Variants in HDAC9 observed in about 807,000 individuals in gnomAD.
HDAC9 encodes the protein MEF-2 interacting transcription repressor (MITR) protein.
A neutral mutation model predicts 139.4 loss-of-function variants in HDAC9; 41 were observed. The ratio of observed to expected loss-of-function variants is 0.29; its 90% confidence interval spans 0.23 to 0.38. The LOEUF (loss-of-function observed/expected upper bound fraction) is 0.38. Among genes scored for constraint, HDAC9 ranks in the 10% least tolerant of loss-of-function variants. The pLI is 1.00. For missense variants in HDAC9, 1,147 were observed against 1,297.0 expected (o/e 0.88, Z 1.78); for synonymous variants, 517 against 476.2 (o/e 1.09, Z -1.12).
At position 18,915,242 on chromosome 7, in the gene HDAC9, T is replaced by G. The variant is rs564547506; in HGVS notation, c.2804-20567T>G. Among the ~76,000 whole-genome samples the G allele has an allele frequency of 4.6e-5, 7 of 152,186 alleles. 1 individual carries two copies. The East Asian group carries it at 1.4e-3, about 29-fold the overall frequency. Reference sequence around the variant, plus strand: ...TAGAGCATGAAAACCAAGTAGACATTTTCTTTAGATTGCCTGAAAATTTAA... The same window carrying G: ...TAGAGCATGAAAACCAAGTAGACATGTTCTTTAGATTGCCTGAAAATTTAA... On this transcript the variant is annotated intron_variant, in intron 22 of 25. Transcript: ENST00000686413.
intron 2 of HDAC9, among the ~76,000 whole-genome samples, chr7:18,245,729 C>T (rs1225033555): frequency 2.0e-5 from 3 of 152,160 alleles, no homozygotes; most frequent in Non-Finnish European, 2.9e-5. Context: ...GTTAAATTCT[C>T]AGGAGCTTAT....
At chr7:18,968,089 G>A (rs1181689290) in intron 24 of HDAC9, among the ~76,000 whole-genome samples, 51 of 152,238 alleles carry the variant, frequency 3.4e-4, no homozygotes, top group Non-Finnish European at 1.5e-5. Context: ...TTGAACCCGG[G>A]AGGCGGAGGA....
In HDAC9 at chr7:18,236,402, T is replaced by A. The variant is rs180731791; in HGVS notation, c.25+74053T>A. 1.4e-3 allele frequency among the ~76,000 whole-genome samples: 214 copies of A among 152,312 alleles called. 1 individual carries two copies. Among genetic ancestry groups the A allele is most frequent in the Admixed American group, 3.3e-3 (51 of 15,288 alleles). Reference sequence around the variant, plus strand: ...TCTTAAAGAAGAGAAGGCATGAGTGTCTTATTCCAAGTTGACAGAGTTTAA... The same window carrying A: ...TCTTAAAGAAGAGAAGGCATGAGTGACTTATTCCAAGTTGACAGAGTTTAA... On this transcript the variant is annotated intron_variant, in intron 2 of 12. Coordinates refer to the HDAC9 transcript ENST00000417496.
At chr7:18,521,204 C>T (rs1367679063) in intron 2 of HDAC9, among the ~76,000 whole-genome samples, 2 of 152,172 alleles carry the variant, frequency 1.3e-5, no homozygotes, top group Admixed American at 6.5e-5. Context: ...TTTAAAATTA[C>T]ATTCTGCTAC....
chr7:18,577,068 A>T (rs1274921821), intron 2 of HDAC9, among the ~76,000 whole-genome samples: 1 of 152,230 alleles, frequency 6.6e-6, no homozygotes, highest in Non-Finnish European at 1.5e-5. Context: ...TATGTCAATT[A>T]GCATTCACAG....
intron 1 of HDAC9, among the ~76,000 whole-genome samples, chr7:18,414,731 C>T (rs1236914220): frequency 3.9e-5 from 6 of 152,112 alleles, no homozygotes; most frequent in African/African-American, 7.2e-5. Flanking sequence ...TAATGGTAGG[C>T]ACAAACGCTT....
chr7:18,922,223 TATA>T (rs923925865), intron 22 of HDAC9, among the ~76,000 whole-genome samples: 25 of 152,142 alleles, frequency 1.6e-4, no homozygotes, highest in African/African-American at 5.1e-4. Flanking sequence ...CAACTTAAAC[TATA>T]ATAATAATAA....
intron 2 of HDAC9, among the ~76,000 whole-genome samples, chr7:18,568,819 G>A (rs1428425056): frequency 3.3e-5 from 5 of 152,038 alleles, no homozygotes; most frequent in South Asian, 4.1e-4. Context: ...AGGCCGAGGC[G>A]GGTGGATCAC....
chr7:18,295,030 C>T (rs746789782), intron 1 of HDAC9, among the ~76,000 whole-genome samples: 2 of 152,006 alleles, frequency 1.3e-5, no homozygotes, highest in African/African-American at 2.4e-5. Context: ...TTGGACTTCT[C>T]AATTTACATG....
intron 12 of HDAC9, among the ~76,000 whole-genome samples, chr7:18,722,908 A>G (rs1785245114): frequency 6.6e-6 from 1 of 152,206 alleles, no homozygotes; most frequent in Non-Finnish European, 1.5e-5. Flanking sequence ...TGGAAGATTT[A>G]ACTGTTTAGT....
chr7:18,292,620 G>A (rs1386873089), intron 1 of HDAC9, among the ~76,000 whole-genome samples: 1 of 152,058 alleles, frequency 6.6e-6, no homozygotes, highest in Non-Finnish European at 1.5e-5. Context: ...AAAAAGAAAT[G>A]CTCTTTTAGT....
At chr7:18,625,678 C>G (rs951483076) in intron 6 of HDAC9, among the ~76,000 whole-genome samples, 1 of 152,152 alleles carries the variant, frequency 6.6e-6, no homozygotes. Context: ...GGTGCAGTGG[C>G]TCACACCTGT....
intron 25 of HDAC9, among the ~76,000 whole-genome samples, chr7:18,985,236 C>G (rs892038096): frequency 6.6e-6 from 1 of 151,646 alleles, no homozygotes; most frequent in African/African-American, 2.4e-5. Flanking sequence ...AACCCCACAA[C>G]AGACCCCAGA....
rs1792520179 is a variant in HDAC9, at chr7:18,793,580, T to C, written c.2322+128T>C. ...AAGGGCAGAAGGAAGAGGGTAGAGATGGCCACTAAGGTGTGATAATAACTC... is the reference window on the plus strand; with the variant it reads ...AAGGGCAGAAGGAAGAGGGTAGAGACGGCCACTAAGGTGTGATAATAACTC... On this transcript the variant is annotated intron_variant, in intron 17 of 25. Transcript: ENST00000686413. 3 of 691,712 alleles carry C rather than the reference T, an allele frequency of 4.3e-6. No individual in the cohort carries two copies. The South Asian group carries it at 4.9e-5, about 11-fold the overall frequency. 42.8% of individuals were successfully genotyped at this position (691,712 alleles called of 1,614,324 possible). A position where few individuals can be genotyped will look rare whatever the true frequency, so the allele number is the denominator to read the frequency against.
chr7:18,950,423 A>G (rs1782710733), intron 23 of HDAC9, among the ~76,000 whole-genome samples: 1 of 152,106 alleles, frequency 6.6e-6, no homozygotes. Context: ...TCTTAAAACC[A>G]TATCCTGATT....
chr7:18,171,537 A>G (rs961661019), intron 2 of HDAC9, among the ~76,000 whole-genome samples: 3 of 152,226 alleles, frequency 2.0e-5, no homozygotes, highest in South Asian at 4.2e-4. Flanking sequence ...TTTCAAAGGG[A>G]ATGCTTCCAG....
In HDAC9 at chr7:18,742,068, G is replaced by C. The variant is rs576000855; in HGVS notation, c.1910-6937G>C. ...ATGCAGTGGGCATTGTTGAAATGAC[G>C]AGAAAGGATTTAGAATATTACATAA... On this transcript the variant is annotated intron_variant, in intron 13 of 25. Transcript: ENST00000686413. Among the ~76,000 whole-genome samples, 897 of 152,238 alleles carry C rather than the reference G, an allele frequency of 5.9e-3. 3 individuals are homozygous for C. Among genetic ancestry groups the C allele is most frequent in the Non-Finnish European group, 9.4e-3 (642 of 68,012 alleles).
chr7:18,441,763 T>TG (rs536630973), intron 1 of HDAC9, among the ~76,000 whole-genome samples: 4 of 150,210 alleles, frequency 2.7e-5, no homozygotes, highest in African/African-American at 1.0e-4. Flanking sequence ...ACATATATGT[T>TG]TTGTTGTTGT....
At chr7:18,606,181 A>G (rs1835453007) in intron 6 of HDAC9, among the ~76,000 whole-genome samples, 1 of 152,190 alleles carries the variant, frequency 6.6e-6, no homozygotes. Context: ...TTGCCCTGCA[A>G]CCTTAATTCT....
Sources: allele counts gnomAD v4.1 joint callset (sites outside exome capture counted in the v4.1 genomes callset), GRCh38; gene constraint gnomAD v4.1.1; transcripts MANE v1.5; gene names NCBI Gene and HGNC (gene_info 2026-07-23, HGNC 2026-07-21).